The following POLDIP3 variants were observed in gnomAD, a reference collection of about 807,000 sequenced individuals.
The protein encoded by POLDIP3 is DNA polymerase delta interacting protein 3.
A neutral mutation model predicts 45.1 loss-of-function variants in POLDIP3; 14 were observed. That is an observed-to-expected ratio of 0.31 (90% CI 0.20 to 0.49). The LOEUF (loss-of-function observed/expected upper bound fraction) is 0.49. Among genes scored for constraint, POLDIP3 ranks in the 20% least tolerant of loss-of-function variants. POLDIP3 has a pLI of 0.99. For synonymous variants in POLDIP3, 223 were observed against 205.2 expected, an observed-to-expected ratio of 1.09 and a Z score of -0.74; for missense variants, 511 against 538.8, an observed-to-expected ratio of 0.95 and a Z score of 0.51.
At chr22:42,604,580 C>T (rs1926603026) in intron 1 of POLDIP3, among the ~76,000 whole-genome samples, 2 of 152,180 alleles carry the variant, frequency 1.3e-5, no homozygotes, top group Admixed American at 1.3e-4. Context: ...CTGCCTGGAC[C>T]TCCCAGGAGG....
chr22:42,587,926 T>C (rs567241436), intron 7 of POLDIP3, among the ~76,000 whole-genome samples: 1 of 152,284 alleles, frequency 6.6e-6, no homozygotes, highest in Admixed American at 6.5e-5. Context: ...TCAAAAGCAT[T>C]ATGTACAGGC....
intron 1 of POLDIP3, among the ~76,000 whole-genome samples, chr22:42,604,543 C>G (rs140395108): frequency 6.6e-6 from 1 of 152,192 alleles, no homozygotes; most frequent in Non-Finnish European, 1.5e-5. Context: ...GCTGCATAAA[C>G]GAGTTCCTGT....
In POLDIP3 at chr22:42,587,546, T is replaced by C. The variant is rs572593937; in HGVS notation, c.1048A>G (p.Met350Val). The part of the protein sequence containing the change: ...DGQPMKCNLH[M>V]NGNVITSDQP... ...TCTGAGGTGATAACATTCCCATTCATGTGAAGGTTGCACTTCATCGGCTGC... is the reference window on the plus strand; with the variant it reads ...TCTGAGGTGATAACATTCCCATTCACGTGAAGGTTGCACTTCATCGGCTGC... The change falls in exon 8 of 9, where the codon ATG becomes GTG. Residue 350 changes from methionine (M) to valine (V), a missense_variant. This residue lies in a region of POLDIP3 where 66 missense variants were observed against 118.1 expected (regional missense o/e 0.56). Coordinates refer to ENST00000252115, the MANE Select transcript of POLDIP3 (RefSeq NM_032311.5). The C allele has an allele frequency of 8.1e-6, 13 of 1,614,180 alleles. No homozygotes were observed. The highest frequency in any genetic ancestry group is 2.7e-5 in the African/African-American group (2 of 75,042).
Position 42,602,026 on chromosome 22 carries a change from G to A in POLDIP3, c.481C>T (p.His161Tyr), listed in dbSNP as rs1926419427. Residue 161 changes from histidine (H) to tyrosine (Y), a missense_variant, in exon 3 of 9, where the codon CAT (histidine) becomes TAT (tyrosine). Coordinates refer to ENST00000252115, the MANE Select transcript of POLDIP3 (RefSeq NM_032311.5). The stretch of plus-strand genomic sequence containing the variant: ...ATTCTCATTCCGGCAGGATGGGGAT[G>A]AAGTGGTGCCATGGCTTTCTGCTGT... ...VPQQKAMAPL[H>Y]PHPAGMRINV... is the part of the protein sequence containing the mutation. 1.2e-6 allele frequency: 2 copies of A among 1,614,180 alleles called. No homozygotes were observed. Among genetic ancestry groups the A allele is most frequent in the Non-Finnish European group, 1.7e-6 (2 of 1,180,018 alleles).
In POLDIP3 at chr22:42,599,607, CAAAACAAAA is replaced by C. The variant is rs1207589433; in HGVS notation, c.633+82_633+90del. 1.0e-4 allele frequency: 107 copies of C among 1,030,672 alleles called. No homozygotes were observed. The East Asian group carries it at 2.6e-3, about 25-fold the overall frequency. The allele number at this position is 1,030,672 out of a possible 1,614,324, so 63.8% of individuals were successfully genotyped here. ...GGGGGAGAAGAGCGAGATGTCGTCTCAAAACAAAAAAAACAACAGGTTCTATTCAACACG... is the reference window on the plus strand; with the variant it reads ...GGGGGAGAAGAGCGAGATGTCGTCTCAAAACAACAGGTTCTATTCAACACG... On this transcript the variant is annotated intron_variant, in intron 4 of 8. Transcript: ENST00000252115.
chr22:42,614,378 C>A (rs1443036437), intron 1 of POLDIP3, among the ~76,000 whole-genome samples: 1 of 152,226 alleles, frequency 6.6e-6, no homozygotes, highest in East Asian at 1.9e-4. Context: ...GAGCAAGTCA[C>A]TTCCCCGCTA....
intron 1 of POLDIP3, among the ~76,000 whole-genome samples, chr22:42,604,170 C>G (rs527437341): frequency 6.6e-6 from 1 of 151,662 alleles, no homozygotes; most frequent in South Asian, 2.1e-4. Flanking sequence ...TGCCTGCGGA[C>G]TCCTATGTCA....
chr22:42,594,557 C>T (rs1925868322), intron 6 of POLDIP3, among the ~76,000 whole-genome samples: 1 of 152,150 alleles, frequency 6.6e-6, no homozygotes, highest in Admixed American at 6.5e-5. Context: ...ATGTAGTGAC[C>T]AGTGCAGTCT....
At chr22:42,587,669 CCCA>C in intron 7 of POLDIP3, 97 bp from the exon 8 acceptor site, 1 of 1,169,364 alleles carries the variant, frequency 8.6e-7, no homozygotes, top group Non-Finnish European at 1.3e-6. Flanking sequence ...GGTCAAAGCA[CCCA>C]CCACTGGCAG....
intron 6 of POLDIP3, among the ~76,000 whole-genome samples, chr22:42,592,382 A>C (rs1925722942): frequency 6.6e-6 from 1 of 152,268 alleles, no homozygotes; most frequent in Non-Finnish European, 1.5e-5. Flanking sequence ...TAAAACAGTT[A>C]TGAAAATTTT....
intron 7 of POLDIP3, among the ~76,000 whole-genome samples, chr22:42,589,915 G>A (rs1463027250): frequency 5.8e-3 from 1 of 172 alleles, no homozygotes; most frequent in Non-Finnish European, 0.011. Context: ...ACAATGAAAC[G>A]CACTTAAACA....
At chr22:42,614,737 C>A (rs1927372818) in intron 1 of POLDIP3, 62 bp downstream of exon 1, 2 of 1,572,156 alleles carry the variant, frequency 1.3e-6, no homozygotes, top group African/African-American at 1.4e-5. Context: ...TCGCTACCTC[C>A]CCCGCCTCGA....
In POLDIP3 at chr22:42,585,127, C is replaced by A. The variant is rs1212651567; in HGVS notation, c.*664G>T. ...AAAGGTGAACTCTGGAGAACTTCCTCTGGGTGGAGACGACACGGGACTCCA... is the reference window on the plus strand; with the variant it reads ...AAAGGTGAACTCTGGAGAACTTCCTATGGGTGGAGACGACACGGGACTCCA... On this transcript the variant is annotated 3_prime_UTR_variant, in exon 9 of 9. Coordinates refer to ENST00000252115, the MANE Select transcript of POLDIP3 (RefSeq NM_032311.5). 2 of 439,110 alleles carry A rather than the reference C, an allele frequency of 4.6e-6. No individual in the cohort carries two copies. Among genetic ancestry groups the A allele is most frequent in the Non-Finnish European group, 9.1e-6 (2 of 218,754 alleles). The allele number at this position is 439,110 out of a possible 1,614,324, so 27.2% of individuals were successfully genotyped here. A position where few individuals can be genotyped will look rare whatever the true frequency, so the allele number is the denominator to read the frequency against.
At chr22:42,597,145 C>A (rs1439378979) in intron 4 of POLDIP3, among the ~76,000 whole-genome samples, 1 of 152,150 alleles carries the variant, frequency 6.6e-6, no homozygotes, top group African/African-American at 2.4e-5. Context: ...TGCAGATCAC[C>A]AAAAACAGCC....
Position 42,585,759 on chromosome 22 carries a change from T to C in POLDIP3, c.*32A>G. On this transcript the variant is annotated 3_prime_UTR_variant, in exon 9 of 9. Transcript: ENST00000252115. ...TTGGGGAAACAGAGCCACCCTCCTC[T>C]GCCCCCACTTCTGGCTGCCTCACTC... The C allele has an allele frequency of 6.3e-7, 1 of 1,598,004 alleles. No homozygotes were observed. Among genetic ancestry groups the C allele is most frequent in the Non-Finnish European group, 8.5e-7 (1 of 1,171,756 alleles).
chr22:42,612,557 A>G (rs948907125), intron 1 of POLDIP3, among the ~76,000 whole-genome samples: 1 of 152,212 alleles, frequency 6.6e-6, no homozygotes, highest in Admixed American at 6.5e-5. Flanking sequence ...GGCCCGGCGC[A>G]GTGTCTCATG....
intron 1 of POLDIP3, among the ~76,000 whole-genome samples, chr22:42,604,476 G>T (rs1926597751): frequency 6.6e-6 from 1 of 152,196 alleles, no homozygotes; most frequent in Non-Finnish European, 1.5e-5. Context: ...CTCCATGGGT[G>T]ATTCTGGAGA....
At chr22:42,592,146 C>G (rs1925705760) in intron 6 of POLDIP3, 62 bp from the exon 7 acceptor site, 6 of 1,605,096 alleles carry the variant, frequency 3.7e-6, no homozygotes, top group Admixed American at 1.7e-5. Context: ...CGCTCACACA[C>G]TCTGAAGGCC....
In POLDIP3 at chr22:42,602,051, T is replaced by C; in HGVS notation, c.456A>G (p.Pro152=). 1.2e-6 allele frequency: 2 copies of C among 1,614,184 alleles called. No individual in the cohort carries two copies. Among genetic ancestry groups the C allele is most frequent in the South Asian group, 2.2e-5 (2 of 91,080 alleles). ...GAAGTGGTGCCATGGCTTTCTGCTG[T>C]GGAACCTGGAAACACTCAGTGGTCA... The part of the protein sequence containing the change: ...ALKLTKTIQV[P]QQKAMAPLHP... Residue 152 remains proline (P), a synonymous_variant, in exon 3 of 9, where the codon CCA becomes CCG. Transcript: ENST00000252115.
Sources: allele counts gnomAD v4.1 joint callset (sites outside exome capture counted in the v4.1 genomes callset), GRCh38; gene constraint gnomAD v4.1.1; regional missense constraint gnomAD v4.1.1; transcripts MANE v1.5; gene names NCBI Gene and HGNC (gene_info 2026-07-23, HGNC 2026-07-21).